PIK3CA: variants seen among roughly 807,000 people sequenced by gnomAD.
PIK3CA encodes phosphatidylinositol-4,5-bisphosphate 3-kinase catalytic subunit alpha, also known as phosphatidylinositol 4,5-bisphosphate 3-kinase catalytic subunit alpha isoform.
Under a neutral mutation model 138.2 loss-of-function variants are expected in PIK3CA, and 27 were observed. That is an observed-to-expected ratio of 0.20 (90% CI 0.14 to 0.27). The LOEUF (loss-of-function observed/expected upper bound fraction) is 0.27, where lower values mean the gene tolerates loss of function less well. PIK3CA is among the 10% of genes least tolerant of loss of function. The pLI is 1.00. For missense variants in PIK3CA, 544 were observed against 1,277.4 expected (o/e 0.43, Z 8.75); for synonymous variants, 358 against 413.2 (o/e 0.87, Z 1.62).
chr3:179,234,091 T>C lies in PIK3CA; in HGVS notation c.2937-3T>C, dbSNP rs760056670. The C allele has an allele frequency of 1.1e-5, 17 of 1,597,068 alleles. No individual in the cohort carries two copies. Among genetic ancestry groups the C allele is most frequent in the Admixed American group, 1.7e-5 (1 of 59,250 alleles). On this transcript the variant is annotated splice_region_variant and splice_polypyrimidine_tract_variant and intron_variant, in intron 20 of 20. Transcript: ENST00000263967. The surrounding 1 kb of genome is among the most constrained non-coding windows in gnomAD (Gnocchi z 5.1). ...CTGACCAAACTGTTCTTATTACTTATAGGTTTCAGGAGATGTGTTACAAGG... is the reference window on the plus strand; with the variant it reads ...CTGACCAAACTGTTCTTATTACTTACAGGTTTCAGGAGATGTGTTACAAGG...
chr3:179,217,134 C>T (rs967142869), intron 9 of PIK3CA, among the ~76,000 whole-genome samples: 3 of 152,056 alleles, frequency 2.0e-5, no homozygotes, highest in African/African-American at 7.2e-5. Context: ...TAGTTATTTC[C>T]GGGGTGGGAG....
intron 1 of PIK3CA, among the ~76,000 whole-genome samples, chr3:179,196,765 A>G (rs1425196835): frequency 6.6e-6 from 1 of 152,152 alleles, no homozygotes; most frequent in Non-Finnish European, 1.5e-5. Context: ...TGCTCTCTTT[A>G]AGTCACACTG....
At chr3:179,203,067 A>G (rs1724458877) in intron 4 of PIK3CA, among the ~76,000 whole-genome samples, 2 of 150,146 alleles carry the variant, frequency 1.3e-5, no homozygotes, top group African/African-American at 4.9e-5. Flanking sequence ...CAGCCTCCCA[A>G]GTAGCTGGGA....
chr3:179,149,467 C>T (rs1489803247), intron 1 of PIK3CA: 1 of 152,064 alleles, frequency 6.6e-6, no homozygotes, highest in Non-Finnish European at 1.5e-5. Flanking sequence ...GAATCGAAAG[C>T]TATTTTTTTA....
intron 1 of PIK3CA, among the ~76,000 whole-genome samples, chr3:179,182,116 A>G (rs768881697): frequency 4.6e-5 from 7 of 152,136 alleles, no homozygotes; most frequent in African/African-American, 7.2e-5. Flanking sequence ...CCCTTTTTCA[A>G]ACTTTCTTAC....
At chr3:179,211,225 A>G (rs994701983) in intron 9 of PIK3CA, among the ~76,000 whole-genome samples, 1 of 152,236 alleles carries the variant, frequency 6.6e-6, no homozygotes, top group African/African-American at 2.4e-5. Context: ...GGTACCACTC[A>G]TAGTCAAGAG....
chr3:179,193,713 G>A (rs756071632), intron 1 of PIK3CA, among the ~76,000 whole-genome samples: 9 of 152,190 alleles, frequency 5.9e-5, no homozygotes, highest in Non-Finnish European at 1.0e-4. Context: ...AACTTATTTC[G>A]ATATGTAGAA....
At chr3:179,157,026 A>G (rs1227889424) in intron 1 of PIK3CA, among the ~76,000 whole-genome samples, 1 of 152,182 alleles carries the variant, frequency 6.6e-6, no homozygotes, top group Admixed American at 6.6e-5. Flanking sequence ...ATATCATCAA[A>G]TTCAAAGCAG....
intron 1 of PIK3CA, among the ~76,000 whole-genome samples, chr3:179,193,772 G>C (rs745883079): frequency 6.6e-6 from 1 of 152,206 alleles, no homozygotes; most frequent in Non-Finnish European, 1.5e-5. Flanking sequence ...GTTCCAGATA[G>C]TAGTGATTTG....
chr3:179,199,023 T>C lies in PIK3CA; in HGVS notation c.198T>C (p.Ser66=), dbSNP rs752074639. 3 of 1,613,702 alleles carry C rather than the reference T, an allele frequency of 1.9e-6. No individual in the cohort carries two copies. Among genetic ancestry groups the C allele is most frequent in the Non-Finnish European group, 2.5e-6 (3 of 1,179,808 alleles). ...YPLHQLLQDE[S]SYIFVSVTQE... is the part of the protein sequence containing the mutation. ...TCCATCAACTTCTTCAAGATGAATC[T>C]TCTTACATTTTCGTAAGTGTTACTC... The change falls in exon 2 of 21, where the codon TCT becomes TCC. Residue 66 remains serine (S), a synonymous_variant. Transcript: ENST00000263967.
intron 3 of PIK3CA, among the ~76,000 whole-genome samples, chr3:179,200,778 A>G (rs1348980898): frequency 6.6e-6 from 1 of 151,536 alleles, no homozygotes; most frequent in Non-Finnish European, 1.5e-5. Flanking sequence ...TCTTTTTTGG[A>G]CTCCTGGCTT....
At chr3:179,161,726 A>T (rs1425058774) in intron 1 of PIK3CA, among the ~76,000 whole-genome samples, 2 of 152,130 alleles carry the variant, frequency 1.3e-5, no homozygotes, top group Non-Finnish European at 2.9e-5. Flanking sequence ...GAGATAACAG[A>T]AAGTCCAGTG....
At position 179,203,034 on chromosome 3, in the gene PIK3CA, G is replaced by A. The variant is rs1220950037; in HGVS notation, c.814-510G>A. 6.9e-5 allele frequency among the ~76,000 whole-genome samples: 10 copies of A among 145,002 alleles called. No individual in the cohort carries two copies. In the East Asian group the frequency reaches 1.7e-3, roughly 24 times the overall value. On this transcript the variant is annotated intron_variant, in intron 4 of 20. Transcript: ENST00000263967. Reference sequence around the variant, plus strand: ...CGGCTCACTGCAAGCTCCGCCTCCCGGGTTCACGCCATTCTCCTGCCTCAG... The same window carrying A: ...CGGCTCACTGCAAGCTCCGCCTCCCAGGTTCACGCCATTCTCCTGCCTCAG...
Position 179,239,317 on chromosome 3 carries a change from T to A in PIK3CA, c.*4953T>A, listed in dbSNP as rs943273839. On this transcript the variant is annotated 3_prime_UTR_variant, in exon 21 of 21. Transcript: ENST00000263967. ...CCATGTATACTTTTAGGTATTCTTATTTTTGTCAATTTTTCTAGGTTGGCA... is the reference window on the plus strand; with the variant it reads ...CCATGTATACTTTTAGGTATTCTTAATTTTGTCAATTTTTCTAGGTTGGCA... 2 of 202,306 alleles carry A rather than the reference T, an allele frequency of 9.9e-6. No homozygotes were observed. The highest frequency in any genetic ancestry group is 4.6e-5 in the African/African-American group (2 of 43,592). 12.5% of individuals were successfully genotyped at this position (202,306 alleles called of 1,614,324 possible). A position where few individuals can be genotyped will look rare whatever the true frequency, so the allele number is the denominator to read the frequency against.
chr3:179,205,982 C>T (rs1363790145), intron 6 of PIK3CA, among the ~76,000 whole-genome samples: 2 of 151,790 alleles, frequency 1.3e-5, no homozygotes, highest in Non-Finnish European at 2.9e-5. Flanking sequence ...CCTTGTCTGC[C>T]ACAGGGAAGG....
intron 16 of PIK3CA, 23 bp from the exon 17 acceptor site, chr3:179,225,939 G>A (rs766251015): frequency 2.4e-6 from 3 of 1,252,382 alleles, no homozygotes; most frequent in South Asian, 1.2e-5. Flanking sequence ...ATTAAATGGT[G>A]ATACATATTA....
At position 179,210,561 on chromosome 3, in the gene PIK3CA, G is replaced by T. The variant is rs200031978; in HGVS notation, c.1535G>T (p.Gly512Val). 3 of 1,613,278 alleles carry T rather than the reference G, an allele frequency of 1.9e-6. No individual in the cohort carries two copies. Among genetic ancestry groups the T allele is most frequent in the South Asian group, 1.1e-5 (1 of 90,898 alleles). The change falls in exon 9 of 21, where the codon GGA becomes GTA. Residue 512 changes from glycine to valine, a missense_variant. Around this residue, in one of 14 missense-constraint regions of PIK3CA, gnomAD observed 52 missense variants for 83.4 expected, o/e 0.62. Transcript: ENST00000263967. The stretch of plus-strand genomic sequence containing the variant: ...GCAGGATTTAGCTATTCCCACGCAG[G>T]ACTGGTAAGGCAAATCACTGAGTTT... ...REAGFSYSHA[G>V]LSNRLARDNE...
In PIK3CA at chr3:179,219,166, G is replaced by A; in HGVS notation, c.1665-30G>A. 7.4e-7 allele frequency: 1 copy of A among 1,350,002 alleles called. No homozygotes were observed. Among genetic ancestry groups the A allele is most frequent in the East Asian group, 2.3e-5 (1 of 43,424 alleles). The allele number at this position is 1,350,002 out of a possible 1,614,324, so 83.6% of individuals were successfully genotyped here. A position where few individuals can be genotyped will look rare whatever the true frequency, so the allele number is the denominator to read the frequency against. On this transcript the variant is annotated intron_variant, in intron 10 of 20. Transcript: ENST00000263967. This position sits in a 1 kb window ranked among gnomAD's most constrained non-coding sequence, Gnocchi z 4.2. Reference sequence around the variant, plus strand: ...AACCTTTTGAACAGCATGCAAGAATGTTTATGTTTATTTTGTTTCTCCCAC... The same window carrying A: ...AACCTTTTGAACAGCATGCAAGAATATTTATGTTTATTTTGTTTCTCCCAC...
At chr3:179,175,250 A>G (rs990544806) in intron 1 of PIK3CA, among the ~76,000 whole-genome samples, 1 of 152,176 alleles carries the variant, frequency 6.6e-6, no homozygotes, top group African/African-American at 2.4e-5. Flanking sequence ...TACTCCTACA[A>G]TTATGTGATA....
Sources: allele counts gnomAD v4.1 joint callset (sites outside exome capture counted in the v4.1 genomes callset), GRCh38; gene constraint gnomAD v4.1.1; regional missense constraint gnomAD v4.1.1; non-coding constraint Gnocchi (gnomAD v3.1); transcripts MANE v1.5; gene names NCBI Gene and HGNC (gene_info 2026-07-23, HGNC 2026-07-21).